Variants in ARHGAP35 observed in about 807,000 individuals in gnomAD.
ARHGAP35 encodes rho GTPase-activating protein 35.
A neutral mutation model predicts 111.1 loss-of-function variants in ARHGAP35; 15 were observed. The ratio of observed to expected loss-of-function variants is 0.13; its 90% confidence interval spans 0.09 to 0.21. The LOEUF (loss-of-function observed/expected upper bound fraction) is 0.21, where lower values mean the gene tolerates loss of function less well. Among genes scored for constraint, ARHGAP35 ranks in the 10% least tolerant of loss-of-function variants. The probability of loss-of-function intolerance (pLI) is 1.00; values close to 1 mark genes in which losing one functional copy is unlikely to be tolerated. For synonymous variants in ARHGAP35, 643 were observed against 710.3 expected (o/e 0.91, Z 1.51); for missense variants, 1,262 against 1,873.0 (o/e 0.67, Z 6.02).
chr19:46,990,651 C>T (rs564194874), intron 5 of ARHGAP35, among the ~76,000 whole-genome samples: 7 of 152,300 alleles, frequency 4.6e-5, no homozygotes, highest in African/African-American at 1.7e-4. Context: ...TGTCACTGCC[C>T]ACCTCTAAAG....
chr19:46,968,834 C>A (rs1324077934), intron 3 of ARHGAP35, among the ~76,000 whole-genome samples: 1 of 152,134 alleles, frequency 6.6e-6, no homozygotes, highest in Non-Finnish European at 1.5e-5. Flanking sequence ...CACCTGTAAT[C>A]CCAGCACTTT....
At chr19:46,944,107 C>A (rs1301361258) in intron 3 of ARHGAP35, among the ~76,000 whole-genome samples, 3 of 151,996 alleles carry the variant, frequency 2.0e-5, no homozygotes, top group African/African-American at 7.3e-5. Flanking sequence ...TAAGACCAAC[C>A]CTGGCAACAT....
intron 1 of ARHGAP35, among the ~76,000 whole-genome samples, chr19:46,879,622 A>G (rs189026712): frequency 2.3e-4 from 35 of 150,870 alleles, no homozygotes; most frequent in Admixed American, 5.9e-4. Flanking sequence ...AAATAAAAAT[A>G]AAAATACAAA....
chr19:46,975,177 G>C (rs575105892), intron 3 of ARHGAP35, among the ~76,000 whole-genome samples: 1 of 152,252 alleles, frequency 6.6e-6, no homozygotes, highest in African/African-American at 2.4e-5. Context: ...GCCAGAAGGG[G>C]CTTGTTAATG....
intron 1 of ARHGAP35, among the ~76,000 whole-genome samples, chr19:46,874,795 C>T (rs1018156918): frequency 7.0e-6 from 1 of 142,490 alleles, no homozygotes; most frequent in African/African-American, 2.7e-5. Flanking sequence ...AGCCACTGCG[C>T]CCGGCAGTTT....
chr19:46,884,422 A>G (rs1219714567), intron 1 of ARHGAP35, among the ~76,000 whole-genome samples: 1 of 152,152 alleles, frequency 6.6e-6, no homozygotes, highest in Non-Finnish European at 1.5e-5. Flanking sequence ...AAACTGAGGA[A>G]AACTGCCACA....
At chr19:46,914,358 A>G (rs1005441852) in intron 1 of ARHGAP35, among the ~76,000 whole-genome samples, 2 of 152,152 alleles carry the variant, frequency 1.3e-5, no homozygotes, top group Non-Finnish European at 2.9e-5. Flanking sequence ...TGATCCCAGC[A>G]CTTTGGGAGG....
chr19:46,887,974 C>T (rs1242016508), intron 1 of ARHGAP35, among the ~76,000 whole-genome samples: 4 of 147,378 alleles, frequency 2.7e-5, no homozygotes, highest in Admixed American at 6.8e-5. Flanking sequence ...TTTTCTGAGA[C>T]GGAGTCTTGC....
At chr19:46,951,761 C>A (rs1258343491) in intron 3 of ARHGAP35, among the ~76,000 whole-genome samples, 1 of 152,116 alleles carries the variant, frequency 6.6e-6, no homozygotes, top group Admixed American at 6.5e-5. Flanking sequence ...CTTCATTTGC[C>A]AAGTCCCCCA....
intron 5 of ARHGAP35, among the ~76,000 whole-genome samples, chr19:46,995,355 C>T (rs2056701702): frequency 6.6e-6 from 1 of 152,254 alleles, no homozygotes; most frequent in Non-Finnish European, 1.5e-5. Flanking sequence ...GAGCCGAGAT[C>T]GTGCCACTGC....
intron 3 of ARHGAP35, among the ~76,000 whole-genome samples, chr19:46,965,865 A>C (rs868321255): frequency 6.6e-6 from 1 of 152,286 alleles, no homozygotes; most frequent in African/African-American, 2.4e-5. Context: ...CACAATGTTT[A>C]GTTTTTACAA....
At chr19:46,916,996 C>A (rs1402754156) in intron 1 of ARHGAP35, among the ~76,000 whole-genome samples, 2 of 151,394 alleles carry the variant, frequency 1.3e-5, no homozygotes, top group African/African-American at 2.4e-5. Flanking sequence ...TGTTAAAATA[C>A]ACAAAACATA....
chr19:46,948,419 G>T (rs2056392960), intron 3 of ARHGAP35: 1 of 152,174 alleles, frequency 6.6e-6, no homozygotes, highest in African/African-American at 2.4e-5. Context: ...CCCACTTCTA[G>T]GTATTTGCCC....
At chr19:46,895,265 G>A (rs1044134541) in intron 1 of ARHGAP35, among the ~76,000 whole-genome samples, 1 of 151,318 alleles carries the variant, frequency 6.6e-6, no homozygotes, top group Non-Finnish European at 1.5e-5. Context: ...CCGGGTTCAC[G>A]CCATTCTCCT....
intron 5 of ARHGAP35, among the ~76,000 whole-genome samples, chr19:46,998,330 T>C (rs1443285677): frequency 1.3e-5 from 2 of 152,156 alleles, no homozygotes; most frequent in Non-Finnish European, 2.9e-5. Context: ...TGCCATCTCC[T>C]TCGTGAGACC....
At chr19:46,882,692 C>T (rs1390170712) in intron 1 of ARHGAP35, among the ~76,000 whole-genome samples, 1 of 152,084 alleles carries the variant, frequency 6.6e-6, no homozygotes, top group African/African-American at 2.4e-5. Flanking sequence ...GTGATGTTCC[C>T]CTCCCTGTGT....
intron 1 of ARHGAP35, among the ~76,000 whole-genome samples, chr19:46,888,355 CACACACACA>C (rs1326511567): frequency 8.0e-5 from 11 of 136,922 alleles, no homozygotes; most frequent in African/African-American, 3.0e-4. Context: ...CACACACACA[CACACACACA>C]CCCCACAACA....
At position 46,996,221 on chromosome 19, in the gene ARHGAP35, A is replaced by G. The variant is rs145852483; in HGVS notation, c.4037-3083A>G. Among the ~76,000 whole-genome samples the G allele has an allele frequency of 4.4e-3, 663 of 152,270 alleles. 5 individuals are homozygous for G. Among genetic ancestry groups the G allele is most frequent in the African/African-American group, 0.015 (612 of 41,558 alleles). On this transcript the variant is annotated intron_variant, in intron 5 of 6. Transcript: ENST00000672722. ...CAAGTTCAAGTGATCCTTCTGCCTC[A>G]GCCTCCCAAATAGCTGGGATTATAG...
intron 1 of ARHGAP35, among the ~76,000 whole-genome samples, chr19:46,862,391 C>A (rs1468213522): frequency 6.6e-6 from 1 of 152,096 alleles, no homozygotes; most frequent in South Asian, 2.1e-4. Context: ...CCTGTCTCTC[C>A]TTCAGTTCTC....
Sources: allele counts gnomAD v4.1 joint callset (sites outside exome capture counted in the v4.1 genomes callset), GRCh38; gene constraint gnomAD v4.1.1; transcripts MANE v1.5; gene names NCBI Gene and HGNC (gene_info 2026-07-23, HGNC 2026-07-21).